Variants in COPG2 observed in about 807,000 individuals in gnomAD.
The protein encoded by COPG2 is coat protein complex I subunit gamma 2.
A neutral mutation model predicts 46.3 loss-of-function variants in COPG2; 37 were observed. The observed-to-expected ratio is 0.80, with a 90% CI of 0.61 to 1.05. The LOEUF is 1.05. COPG2 is among the 50% of genes least tolerant of loss of function. COPG2 has a pLI of 0.00. For synonymous variants in COPG2, 159 were observed against 129.7 expected, an observed-to-expected ratio of 1.23 and a Z score of -1.53; for missense variants, 427 against 387.8, an observed-to-expected ratio of 1.10 and a Z score of -0.85.
intron 4 of COPG2, among the ~76,000 whole-genome samples, chr7:130,655,553 C>T (rs1234508694): frequency 6.6e-6 from 1 of 152,068 alleles, no homozygotes; most frequent in African/African-American, 2.4e-5. Context: ...CATGGAATCC[C>T]TCCCTCTCCT....
chr7:130,593,520 C>T (rs781972772), intron 9 of COPG2, among the ~76,000 whole-genome samples: 3 of 152,150 alleles, frequency 2.0e-5, no homozygotes, highest in African/African-American at 4.8e-5. Context: ...TACATCTACA[C>T]TAACATAAAG....
intron 20 of COPG2, among the ~76,000 whole-genome samples, chr7:130,539,969 G>C (rs1402803370): frequency 6.7e-6 from 1 of 148,398 alleles, no homozygotes; most frequent in Non-Finnish European, 1.5e-5. Context: ...TTAAAGCCTT[G>C]AACTTTGTTG....
At chr7:130,661,778 A>G (rs1554460818) in intron 4 of COPG2, among the ~76,000 whole-genome samples, 1 of 152,180 alleles carries the variant, frequency 6.6e-6, no homozygotes, top group African/African-American at 2.4e-5. Context: ...TTCTAGGTAC[A>G]CTGGATAATT....
At chr7:130,607,074 C>G (rs1554451364) in intron 9 of COPG2, among the ~76,000 whole-genome samples, 1 of 151,900 alleles carries the variant, frequency 6.6e-6, no homozygotes, top group African/African-American at 2.4e-5. Flanking sequence ...AACCCCATCT[C>G]TACAAAAAGT....
At chr7:130,551,560 C>T (rs1793534833) in intron 15 of COPG2, among the ~76,000 whole-genome samples, 3 of 152,206 alleles carry the variant, frequency 2.0e-5, no homozygotes, top group African/African-American at 7.2e-5. Context: ...ACAAGCACTA[C>T]ATAAGTAGGC....
At chr7:130,614,969 T>C (rs568530575) in intron 6 of COPG2, among the ~76,000 whole-genome samples, 148 of 152,344 alleles carry the variant, frequency 9.7e-4, no homozygotes, top group African/African-American at 3.2e-3. Context: ...CAAACTCCAA[T>C]GTCCCTGACT....
chr7:130,541,576 T>A (rs1799938101), intron 20 of COPG2, among the ~76,000 whole-genome samples: 1 of 151,906 alleles, frequency 6.6e-6, no homozygotes, highest in Admixed American at 6.6e-5. Flanking sequence ...ACAAAATTGC[T>A]ATGGTGATAG....
At chr7:130,664,905 G>A (rs1400126777) in intron 3 of COPG2, among the ~76,000 whole-genome samples, 1 of 152,170 alleles carries the variant, frequency 6.6e-6, no homozygotes, top group East Asian at 1.9e-4. Context: ...TGATGATCAG[G>A]CACAGTAGCT....
rs560449194 is a variant in COPG2 at position 130,604,451 on chromosome 7, T to C, written c.737+6502A>G. Among the ~76,000 whole-genome samples the C allele has an allele frequency of 1.7e-3, 263 of 152,366 alleles. 1 individual carries two copies. The highest frequency in any genetic ancestry group is 6.1e-3 in the African/African-American group (255 of 41,592). On this transcript the variant is annotated intron_variant, in intron 9 of 23. Transcript: ENST00000425248. ...CAAGGATTTGATTTCAATATAATTATAAATTGTACCATTTTTACAAAATTT... is the reference window on the plus strand; with the variant it reads ...CAAGGATTTGATTTCAATATAATTACAAATTGTACCATTTTTACAAAATTT...
At chr7:130,633,992 C>T (rs375058945) in intron 5 of COPG2, among the ~76,000 whole-genome samples, 45 of 152,264 alleles carry the variant, frequency 3.0e-4, no homozygotes, top group African/African-American at 9.1e-4. Flanking sequence ...TTCCCCATTG[C>T]TTGTTTTTGT....
At chr7:130,509,852 G>C (rs368176094) in intron 20 of COPG2, 302 of 498,188 alleles carry the variant, frequency 6.1e-4, no homozygotes, top group African/African-American at 4.9e-3. Flanking sequence ...CAAATAGCCT[G>C]GGAAAACTGT....
At chr7:130,510,882 G>A (rs1799583794) in intron 20 of COPG2, 2 of 517,192 alleles carry the variant, frequency 3.9e-6, no homozygotes, top group African/African-American at 1.9e-5. Flanking sequence ...AATACTGAAT[G>A]CACTGCCATA....
intron 5 of COPG2, among the ~76,000 whole-genome samples, chr7:130,647,312 C>T (rs1795631873): frequency 6.6e-6 from 1 of 152,128 alleles, no homozygotes; most frequent in Admixed American, 6.6e-5. Context: ...GCTGGGATTA[C>T]AGGTGTGAGG....
chr7:130,583,461 C>G (rs1554447512), intron 9 of COPG2, among the ~76,000 whole-genome samples: 1 of 111,648 alleles, frequency 9.0e-6, no homozygotes, highest in African/African-American at 3.5e-5. Context: ...CTAACCTGCA[C>G]AATGTGCACA....
At chr7:130,627,209 A>C (rs1208194496) in intron 5 of COPG2, among the ~76,000 whole-genome samples, 6 of 152,198 alleles carry the variant, frequency 3.9e-5, no homozygotes, top group African/African-American at 1.4e-4. Flanking sequence ...TCTGAATTAC[A>C]ACTGTGGAGT....
intron 2 of COPG2, 118 bp from the exon 3 acceptor site, chr7:130,667,047 T>C: frequency 1.3e-5 from 8 of 599,058 alleles, no homozygotes; most frequent in Non-Finnish European, 2.0e-5. Flanking sequence ...TTGTCTATAG[T>C]TCTCAATTTA....
At chr7:130,564,042 T>C (rs1380948496) in intron 10 of COPG2, among the ~76,000 whole-genome samples, 3 of 151,956 alleles carry the variant, frequency 2.0e-5, no homozygotes, top group Non-Finnish European at 4.4e-5. Flanking sequence ...ATAAAATTCT[T>C]TCAAAAGTTT....
intron 6 of COPG2, among the ~76,000 whole-genome samples, chr7:130,616,779 C>A (rs1265488268): frequency 6.6e-6 from 1 of 151,378 alleles, no homozygotes; most frequent in Non-Finnish European, 1.5e-5. Context: ...TTCAAGGGGG[C>A]AAATAAAGAG....
At chr7:130,630,430 T>C (rs1795207321) in intron 5 of COPG2, among the ~76,000 whole-genome samples, 1 of 152,238 alleles carries the variant, frequency 6.6e-6, no homozygotes, top group African/African-American at 2.4e-5. Context: ...AGCTCACTTA[T>C]TACTTCCTGT....
Sources: gnomAD v4.1 joint callset for allele counts (sites outside exome capture counted in the v4.1 genomes callset) on GRCh38, gnomAD v4.1.1 for gene constraint, MANE v1.5 for transcripts, NCBI Gene and HGNC (gene_info 2026-07-23, HGNC 2026-07-21) for gene names.